The following DAD1 variants were observed in gnomAD, a reference collection of about 807,000 sequenced individuals.
DAD1 encodes defender against cell death 1, also known as dolichyl-diphosphooligosaccharide--protein glycosyltransferase subunit DAD1.
A neutral mutation model predicts 9.0 loss-of-function variants in DAD1; 4 were observed. The observed-to-expected ratio is 0.44, with a 90% CI of 0.22 to 1.01. The LOEUF (loss-of-function observed/expected upper bound fraction) is 1.01, where lower values mean the gene tolerates loss of function less well. DAD1 is among the 50% of genes least tolerant of loss of function. The pLI, the probability that DAD1 is intolerant of heterozygous loss-of-function variation, is 0.24. For synonymous variants in DAD1, 60 were observed against 62.5 expected, an observed-to-expected ratio of 0.96 and a Z score of 0.19; for missense variants, 119 against 137.3, an observed-to-expected ratio of 0.87 and a Z score of 0.67.
chr14:22,567,947 T>C (rs2037012317), intron 2 of DAD1, among the ~76,000 whole-genome samples: 1 of 152,180 alleles, frequency 6.6e-6, no homozygotes, highest in Non-Finnish European at 1.5e-5. Flanking sequence ...AAGAATCCAG[T>C]CTGATGGCTC....
At chr14:22,566,532 C>T (rs757396701) in intron 2 of DAD1, among the ~76,000 whole-genome samples, 4 of 152,108 alleles carry the variant, frequency 2.6e-5, no homozygotes, top group Non-Finnish European at 5.9e-5. Context: ...TGGGGTTTCA[C>T]CATGTTGGTC....
intron 2 of DAD1, among the ~76,000 whole-genome samples, chr14:22,566,338 C>CT (rs10707937): frequency 0.27 from 39,353 of 147,570 alleles, 5,257 homozygotes; most frequent in Middle Eastern, 0.3. Context: ...AACATTACAG[C>CT]TTTTTTTTTT....
intron 1 of DAD1, among the ~76,000 whole-genome samples, chr14:22,588,565 A>G (rs1007898938): frequency 6.6e-6 from 1 of 152,220 alleles, no homozygotes; most frequent in African/African-American, 2.4e-5. Context: ...GAGATTGGTA[A>G]TGATTAGGCC....
At chr14:22,588,363 T>A (rs1328129114) in intron 1 of DAD1, among the ~76,000 whole-genome samples, 1 of 152,136 alleles carries the variant, frequency 6.6e-6, no homozygotes, top group Non-Finnish European at 1.5e-5. Flanking sequence ...TACCAAATCC[T>A]GGAATCAAAA....
chr14:22,568,642 T>C (rs5742844), intron 2 of DAD1, among the ~76,000 whole-genome samples: 1 of 151,454 alleles, frequency 6.6e-6, no homozygotes, highest in Non-Finnish European at 1.5e-5. Flanking sequence ...GAGGTAAGTT[T>C]ATTTGTCCAT....
intron 1 of DAD1, among the ~76,000 whole-genome samples, chr14:22,579,838 T>C (rs769516643): frequency 1.9e-3 from 191 of 102,796 alleles, no homozygotes; most frequent in Non-Finnish European, 2.6e-3. Context: ...AAAAAGCCAA[T>C]CCTTTTTTTT....
chr14:22,581,009 G>A (rs2139244633), intron 1 of DAD1, among the ~76,000 whole-genome samples: 1 of 152,120 alleles, frequency 6.6e-6, no homozygotes, highest in African/African-American at 2.4e-5. Context: ...CACTTCCAAA[G>A]ATGGAAATTT....
chr14:22,587,614 A>G (rs1286942897), intron 1 of DAD1, among the ~76,000 whole-genome samples: 1 of 152,232 alleles, frequency 6.6e-6, no homozygotes, highest in Non-Finnish European at 1.5e-5. Context: ...ACTTCAGTAC[A>G]CAAGTCATTA....
chr14:22,567,603 A>T (rs1384961), intron 2 of DAD1, among the ~76,000 whole-genome samples: 5,675 of 152,330 alleles, frequency 0.037, 381 homozygotes, highest in African/African-American at 0.13. Flanking sequence ...CAGCCACTAG[A>T]CACAGGTGAC....
At chr14:22,572,046 A>G (rs574454305) in intron 2 of DAD1, among the ~76,000 whole-genome samples, 50 of 152,324 alleles carry the variant, frequency 3.3e-4, no homozygotes, top group African/African-American at 1.2e-3. Flanking sequence ...CTTAAAGCAT[A>G]GCACACACTG....
chr14:22,578,437 G>A (rs1020984768), intron 1 of DAD1, among the ~76,000 whole-genome samples: 1 of 152,032 alleles, frequency 6.6e-6, no homozygotes, highest in East Asian at 1.9e-4. Context: ...ATGGTGGCAC[G>A]CACCTGTAAT....
chr14:22,568,792 C>T (rs746683366), intron 2 of DAD1, among the ~76,000 whole-genome samples: 8 of 151,774 alleles, frequency 5.3e-5, no homozygotes, highest in African/African-American at 9.7e-5. Flanking sequence ...TGACCTCCCA[C>T]GCTCAAGCAA....
chr14:22,576,048 G>A (rs2037075750), intron 1 of DAD1, among the ~76,000 whole-genome samples: 1 of 151,990 alleles, frequency 6.6e-6, no homozygotes, highest in African/African-American at 2.4e-5. Flanking sequence ...CTGAGAACTC[G>A]GCAGGAGACA....
chr14:22,571,625 CTTTTTTT>C (rs869205395), intron 2 of DAD1, among the ~76,000 whole-genome samples: 1 of 109,826 alleles, frequency 9.1e-6, no homozygotes, highest in African/African-American at 3.3e-5. Flanking sequence ...GCAAGGGGCT[CTTTTTTT>C]TTTTTTTTTT....
chr14:22,565,087 C>T lies in DAD1; in HGVS notation c.*95G>A. 1 of 701,846 alleles carries T rather than the reference C, an allele frequency of 1.4e-6. No homozygotes were observed. The highest frequency in any genetic ancestry group is 2.6e-6 in the Non-Finnish European group (1 of 384,644). The allele number at this position is 701,846 out of a possible 1,614,324, so 43.5% of individuals were successfully genotyped here. On this transcript the variant is annotated 3_prime_UTR_variant, in exon 3 of 3. Coordinates refer to ENST00000250498, the MANE Select transcript of DAD1 (RefSeq NM_001344.4). ...CAAATCTGAAGAAAATCCATGTGTC[C>T]AATAAGCTGCCATCTCCAGAACTCT...
At chr14:22,566,066 T>A (rs2037000364) in intron 2 of DAD1, among the ~76,000 whole-genome samples, 1 of 152,224 alleles carries the variant, frequency 6.6e-6, no homozygotes, top group African/African-American at 2.4e-5. Flanking sequence ...GATTCTGGCA[T>A]CAGAACTTAA....
chr14:22,587,867 C>T (rs1215013445), intron 1 of DAD1, among the ~76,000 whole-genome samples: 14 of 152,124 alleles, frequency 9.2e-5, no homozygotes, highest in African/African-American at 3.1e-4. Flanking sequence ...TCCCGAGTAG[C>T]TGGGATTACA....
At chr14:22,576,038 C>T (rs2037075685) in intron 1 of DAD1, among the ~76,000 whole-genome samples, 1 of 152,120 alleles carries the variant, frequency 6.6e-6, no homozygotes, top group Non-Finnish European at 1.5e-5. Flanking sequence ...CACAGAGCCA[C>T]TGAGAACTCG....
chr14:22,578,071 T>A (rs950536211), intron 1 of DAD1, among the ~76,000 whole-genome samples: 1 of 150,536 alleles, frequency 6.6e-6, no homozygotes, highest in Non-Finnish European at 1.5e-5. Context: ...CTGACCAACA[T>A]GGAGAAACCC....
Sources: allele counts gnomAD v4.1 joint callset (sites outside exome capture counted in the v4.1 genomes callset), GRCh38; gene constraint gnomAD v4.1.1; transcripts MANE v1.5; gene names NCBI Gene and HGNC (gene_info 2026-07-23, HGNC 2026-07-21).